Variants in PCDHA12 observed in about 807,000 individuals in gnomAD.
The protein encoded by PCDHA12 is protocadherin alpha-12.
Under a neutral mutation model 60.0 loss-of-function variants are expected in PCDHA12, and 44 were observed. That is an observed-to-expected ratio of 0.73 (90% CI 0.58 to 0.94). PCDHA12 has a LOEUF of 0.94. Ranked by LOEUF, PCDHA12 falls within the 40% of genes least tolerant of loss-of-function variation. The probability of loss-of-function intolerance (pLI) is 0.00; values close to 1 mark genes in which losing one functional copy is unlikely to be tolerated. For synonymous variants in PCDHA12, 569 were observed against 553.0 expected, an observed-to-expected ratio of 1.03 and a Z score of -0.40; for missense variants, 1,276 against 1,239.7, an observed-to-expected ratio of 1.03 and a Z score of -0.44.
chr5:140,927,257 C>T, intron 1 of PCDHA12: 1 of 1,614,152 alleles, frequency 6.2e-7, no homozygotes, highest in Non-Finnish European at 8.5e-7. Flanking sequence ...GACAACTCAC[C>T]TCTCTTTCCT....
At chr5:140,897,467 C>T (rs1427386129) in intron 1 of PCDHA12, among the ~76,000 whole-genome samples, 11 of 151,912 alleles carry the variant, frequency 7.2e-5, no homozygotes, top group Non-Finnish European at 7.4e-5. Flanking sequence ...CGATAGTTTA[C>T]TGAGAATGAT....
At position 140,885,285 on chromosome 5, in the gene PCDHA12, T is replaced by G. The variant is rs146462007; in HGVS notation, c.2367+7446T>G. On this transcript the variant is annotated intron_variant, in intron 1 of 3. Transcript: ENST00000398631. ...ACTCATACATATATATATACATATA[T>G]AGAGAGAGACCTGGTAGGCTTTTTG... 7.5e-4 allele frequency among the ~76,000 whole-genome samples: 114 copies of G among 152,298 alleles called. No individual in the cohort carries two copies. In the East Asian group the frequency reaches 9.8e-3, roughly 13 times the overall value.
chr5:140,914,528 A>G (rs1333576504), intron 1 of PCDHA12, among the ~76,000 whole-genome samples: 2 of 152,114 alleles, frequency 1.3e-5, no homozygotes, highest in African/African-American at 4.8e-5. Flanking sequence ...TCATCCATTC[A>G]GCCACTTTAT....
intron 3 of PCDHA12, among the ~76,000 whole-genome samples, chr5:141,006,287 C>A (rs1407881243): frequency 6.6e-6 from 1 of 152,060 alleles, no homozygotes; most frequent in African/African-American, 2.4e-5. Flanking sequence ...TCTCAGCTCA[C>A]TGCAAGCTCC....
chr5:140,986,204 T>A (rs2097190386), intron 3 of PCDHA12, among the ~76,000 whole-genome samples: 1 of 152,224 alleles, frequency 6.6e-6, no homozygotes, highest in African/African-American at 2.4e-5. Context: ...TAATCCTGAT[T>A]ACTGGCCCCT....
At chr5:140,930,416 T>C (rs1554207810) in intron 1 of PCDHA12, 1 of 151,928 alleles carries the variant, frequency 6.6e-6, no homozygotes, top group East Asian at 1.9e-4. Flanking sequence ...GAGACAGGGG[T>C]CTCACTATGT....
chr5:140,882,198 G>A lies in PCDHA12; in HGVS notation c.2367+4359G>A, dbSNP rs964999330. ...CCGCACTAGGAAGCCATAAAAATTG[G>A]GCCTTGAGAGACAGTTTGAGGTAAG... On this transcript the variant is annotated intron_variant, in intron 1 of 3. Coordinates refer to ENST00000398631, the MANE Select transcript of PCDHA12 (RefSeq NM_018903.4). The A allele has an allele frequency of 8.5e-6, 13 of 1,525,466 alleles. 1 individual carries two copies. In the East Asian group the frequency reaches 2.5e-4, roughly 29 times the overall value. The allele number at this position is 1,525,466 out of a possible 1,614,324, so 94.5% of individuals were successfully genotyped here.
chr5:141,009,686 A>G lies in PCDHA12; in HGVS notation c.2575A>G (p.Thr859Ala). Residue 859 changes from threonine to alanine, a missense_variant, in exon 4 of 4, where the codon ACC becomes GCC. Thr to Ala is a moderately conservative substitution (Grantham distance 58). Coordinates refer to ENST00000398631, the MANE Select transcript of PCDHA12 (RefSeq NM_018903.4). ...VGAGVNSNSW[T>A]FKYGPGNPKQ... ...TGCGGGTGTCAACAGCAACAGCTGG[A>G]CCTTTAAATACGGACCAGGCAACCC... is the stretch of plus-strand genomic sequence containing the variant. The G allele has an allele frequency of 6.2e-7, 1 of 1,613,998 alleles. No homozygotes were observed. The highest frequency in any genetic ancestry group is 8.5e-7 in the Non-Finnish European group (1 of 1,179,996).
At chr5:140,893,141 C>A (rs1412974583) in intron 1 of PCDHA12, among the ~76,000 whole-genome samples, 1 of 152,192 alleles carries the variant, frequency 6.6e-6, no homozygotes, top group African/African-American at 2.4e-5. Flanking sequence ...TTTATCCACT[C>A]ATCTGTTGAT....
intron 1 of PCDHA12, chr5:140,969,064 C>G: frequency 6.2e-7 from 1 of 1,614,136 alleles, no homozygotes; most frequent in Non-Finnish European, 8.5e-7. Context: ...ATATTGATGC[C>G]AGGATACCGC....
At chr5:140,901,407 G>T (rs2068648687) in intron 1 of PCDHA12, among the ~76,000 whole-genome samples, 2 of 152,130 alleles carry the variant, frequency 1.3e-5, no homozygotes, top group Non-Finnish European at 2.9e-5. Context: ...AGAGATAGGG[G>T]TCTAGTTTCA....
chr5:140,948,108 G>A (rs902891466), intron 1 of PCDHA12, among the ~76,000 whole-genome samples: 2 of 151,096 alleles, frequency 1.3e-5, no homozygotes, highest in Non-Finnish European at 3.0e-5. Context: ...ATTTTTCTTC[G>A]TTTTACTAAT....
chr5:141,001,987 A>C (rs547998020), intron 3 of PCDHA12, among the ~76,000 whole-genome samples: 3 of 152,302 alleles, frequency 2.0e-5, no homozygotes, highest in African/African-American at 7.2e-5. Context: ...AAAGCCTGGA[A>C]GTTCACTTGC....
rs782069405 is a variant in PCDHA12, at chr5:140,875,945, CT to C, written c.474del (p.Asp159MetfsTer6). On this transcript the variant is annotated frameshift_variant, in exon 1 of 4. Transcript: ENST00000398631. LOFTEE classifies it high-confidence loss of function. Reference protein sequence around the residue: ...LDSHFPLEGASDADIGVNSLL... With the variant: ...LDSHFPLEGAXDADIGVNSLL... ...TCTCATTTTCCTCTAGAGGGCGCTT[CT>C]GATGCGGATATCGGCGTAAACTCTC... 6.2e-7 allele frequency: 1 copy of C among 1,614,144 alleles called. No homozygotes were observed. Among genetic ancestry groups the C allele is most frequent in the South Asian group, 1.1e-5 (1 of 91,082 alleles).
chr5:140,969,047 A>C, intron 1 of PCDHA12: 1 of 1,614,152 alleles, frequency 6.2e-7, no homozygotes, highest in Non-Finnish European at 8.5e-7. Flanking sequence ...CAAACAAGCC[A>C]ACAACAATAT....
chr5:140,883,847 G>A (rs782603246), intron 1 of PCDHA12: 3 of 1,612,878 alleles, frequency 1.9e-6, no homozygotes, highest in Non-Finnish European at 8.5e-7. Flanking sequence ...GGACCACGAG[G>A]AGCTGGAGCT....
At chr5:140,977,096 G>A (rs1401413424) in intron 1 of PCDHA12, among the ~76,000 whole-genome samples, 1 of 152,182 alleles carries the variant, frequency 6.6e-6, no homozygotes, top group East Asian at 1.9e-4. Flanking sequence ...TGTGTCATTG[G>A]GGAAGTGAGA....
At chr5:140,885,453 C>T (rs1269332427) in intron 1 of PCDHA12, among the ~76,000 whole-genome samples, 3 of 152,100 alleles carry the variant, frequency 2.0e-5, no homozygotes, top group African/African-American at 7.2e-5. Flanking sequence ...ATATTATTTA[C>T]CTAATGATGG....
chr5:140,887,496 A>G (rs1351125742), intron 1 of PCDHA12, among the ~76,000 whole-genome samples: 1 of 152,072 alleles, frequency 6.6e-6, no homozygotes, highest in Non-Finnish European at 1.5e-5. Context: ...CATAGTTTCT[A>G]ATAAGATGTT....
Sources: allele counts gnomAD v4.1 joint callset (sites outside exome capture counted in the v4.1 genomes callset), GRCh38; gene constraint gnomAD v4.1.1; transcripts MANE v1.5; gene names NCBI Gene and HGNC (gene_info 2026-07-23, HGNC 2026-07-21).